Variants in ABCD3 observed in about 807,000 individuals in gnomAD.
ABCD3 encodes ATP binding cassette subfamily D member 3.
In ABCD3, 41 loss-of-function variants were observed where a neutral mutation model predicts 105.5. The observed-to-expected ratio is 0.39, with a 90% CI of 0.30 to 0.50. ABCD3 has a LOEUF of 0.50. Ranked by LOEUF, ABCD3 falls within the 20% of genes least tolerant of loss-of-function variation. ABCD3 has a pLI of 0.84. For missense variants in ABCD3, 622 were observed against 806.3 expected (o/e 0.77, Z 2.77); for synonymous variants, 258 against 269.0 (o/e 0.96, Z 0.40).
chr1:94,441,866 G>A (rs1451122453), intron 1 of ABCD3, among the ~76,000 whole-genome samples: 1 of 152,130 alleles, frequency 6.6e-6, no homozygotes, highest in Non-Finnish European at 1.5e-5. Context: ...GAGTAAGAAC[G>A]GGGTCAAAAG....
chr1:94,398,301 G>A, the ABCD3 span, among the ~76,000 whole-genome samples: 4 of 152,196 alleles, frequency 2.6e-5, no homozygotes, highest in South Asian at 6.2e-4. Context: ...TTCATTTTCT[G>A]ACAGTGGGAA....
At chr1:94,509,398 A>T (rs1298881066) in intron 21 of ABCD3, among the ~76,000 whole-genome samples, 1 of 152,146 alleles carries the variant, frequency 6.6e-6, no homozygotes, top group African/African-American at 2.4e-5. Context: ...CGAGTATTTT[A>T]TTGAGGATTT....
At chr1:94,408,000 G>C in the ABCD3 span, among the ~76,000 whole-genome samples, 11 of 152,246 alleles carry the variant, frequency 7.2e-5, no homozygotes, top group African/African-American at 2.7e-4. Flanking sequence ...CCGAATAGTG[G>C]TGGCTGAGGT....
intron 3 of ABCD3, 72 bp downstream of exon 3, chr1:94,464,945 T>C (rs1648067869): frequency 7.8e-7 from 1 of 1,275,926 alleles, no homozygotes; most frequent in African/African-American, 1.5e-5. Context: ...GCTGGGTAAT[T>C]TATAAAGAAA....
chr1:94,488,331 T>C (rs759081586), intron 13 of ABCD3, among the ~76,000 whole-genome samples: 3 of 152,122 alleles, frequency 2.0e-5, no homozygotes, highest in Non-Finnish European at 4.4e-5. Context: ...CATACCTTTT[T>C]TTCTTGGATC....
rs565941265 is a variant in ABCD3, at chr1:94,497,064, G to A, written c.1387-1538G>A. Among the ~76,000 whole-genome samples, 9 of 152,102 alleles carry A rather than the reference G, an allele frequency of 5.9e-5. 1 individual carries two copies. In the South Asian group the frequency reaches 1.9e-3, roughly 32 times the overall value. On this transcript the variant is annotated intron_variant, in intron 16 of 22. Coordinates refer to ENST00000370214, the MANE Select transcript of ABCD3 (RefSeq NM_002858.4). ...ATCCTAATTCACCCCTTCTTTCAAA[G>A]TTTTACTTAGTTGTCATATTCAATA...
intron 1 of ABCD3, chr1:94,455,642 C>A: frequency 2.5e-6 from 1 of 401,114 alleles, no homozygotes; most frequent in Non-Finnish European, 4.9e-6. Context: ...TTAATTGTCA[C>A]AGACTGATTA....
intron 1 of ABCD3, among the ~76,000 whole-genome samples, chr1:94,454,698 C>T (rs1161387725): frequency 6.6e-6 from 1 of 152,206 alleles, no homozygotes; most frequent in Non-Finnish European, 1.5e-5. Context: ...GTCACCCAAG[C>T]TGGAGTGCAG....
the ABCD3 span, among the ~76,000 whole-genome samples, chr1:94,392,657 C>T: frequency 6.6e-6 from 1 of 152,236 alleles, no homozygotes; most frequent in Admixed American, 6.5e-5. Flanking sequence ...CCCAATGATG[C>T]GGGTTCAATG....
chr1:94,453,134 A>G lies in ABCD3; in HGVS notation c.111-5473A>G, dbSNP rs577967532. ...TGGAAGCTTCTTTTACCTGTGTCCT[A>G]AAACAGTTAAAGCATTGGAATTATC... On this transcript the variant is annotated intron_variant, in intron 1 of 22. Coordinates refer to ENST00000370214, the MANE Select transcript of ABCD3 (RefSeq NM_002858.4). Among the ~76,000 whole-genome samples the G allele has an allele frequency of 3.3e-5, 5 of 152,162 alleles. No individual in the cohort carries two copies. In the South Asian group the frequency reaches 1.0e-3, roughly 32 times the overall value.
the ABCD3 span, among the ~76,000 whole-genome samples, chr1:94,412,464 T>C: frequency 6.6e-6 from 1 of 152,228 alleles, no homozygotes; most frequent in Non-Finnish European, 1.5e-5. Context: ...TATCAGTTCA[T>C]ATAAAATTGC....
chr1:94,458,520 T>G, intron 1 of ABCD3, 87 bp from the exon 2 acceptor site: 3 of 1,145,346 alleles, frequency 2.6e-6, no homozygotes, highest in Non-Finnish European at 1.3e-6. Flanking sequence ...TTTTAAATAA[T>G]TTGGTATATT....
rs745383427 is a variant in ABCD3 at position 94,498,990 on chromosome 1, C to G, written c.1576C>G (p.Pro526Ala). 6.2e-7 allele frequency: 1 copy of G among 1,613,870 alleles called. No homozygotes were observed. The highest frequency in any genetic ancestry group is 8.5e-7 in the Non-Finnish European group (1 of 1,179,938). ...LGTLRDQVIY[P>A]DGREDQKRKG... The stretch of plus-strand genomic sequence containing the variant: ...AACACTTCGAGATCAAGTGATATAT[C>G]CAGATGGACGAGAAGATCAGAAAAG... The change falls in exon 19 of 23, where the codon CCA (proline) becomes GCA (alanine). Residue 526 changes from proline to alanine, a missense_variant. Coordinates refer to ENST00000370214, the MANE Select transcript of ABCD3 (RefSeq NM_002858.4).
chr1:94,484,775 T>TA (rs1649204515), intron 10 of ABCD3, among the ~76,000 whole-genome samples: 1 of 152,084 alleles, frequency 6.6e-6, no homozygotes, highest in South Asian at 2.1e-4. Flanking sequence ...CCCTAGAACT[T>TA]AAAGTATAAT....
Position 94,460,638 on chromosome 1 carries a change from C to T in ABCD3, c.147+1995C>T, listed in dbSNP as rs1647824777. The stretch of plus-strand genomic sequence containing the variant: ...AGAAAATTAGAACAATTTAACATGA[C>T]GTACTTTCAGTAAACTGATGCTGGC... On this transcript the variant is annotated intron_variant, in intron 2 of 22. Coordinates refer to ENST00000370214, the MANE Select transcript of ABCD3 (RefSeq NM_002858.4). Among the ~76,000 whole-genome samples the T allele has an allele frequency of 2.6e-5, 4 of 152,110 alleles. No individual in the cohort carries two copies. In the South Asian group the frequency reaches 6.2e-4, roughly 24 times the overall value.
chr1:94,503,001 A>G lies in ABCD3; in HGVS notation c.1740+3387A>G, dbSNP rs113938931. 9.2e-3 allele frequency among the ~76,000 whole-genome samples: 1,405 copies of G among 152,256 alleles called. 27 individuals are homozygous for G. Among genetic ancestry groups the G allele is most frequent in the African/African-American group, 0.033 (1,359 of 41,542 alleles). On this transcript the variant is annotated intron_variant, in intron 20 of 22. Coordinates refer to ENST00000370214, the MANE Select transcript of ABCD3 (RefSeq NM_002858.4). ...GCAGCCCAGGACAGCTTTGAATGCA[A>G]CCTAACACAAATTCATAAACTTTCT...
intron 1 of ABCD3, among the ~76,000 whole-genome samples, chr1:94,434,820 A>G (rs981370983): frequency 2.0e-5 from 3 of 152,234 alleles, no homozygotes; most frequent in Non-Finnish European, 4.4e-5. Context: ...CAGCCACTGC[A>G]GAAGCCTTCC....
chr1:94,428,174 C>G (rs1052916982), intron 1 of ABCD3, among the ~76,000 whole-genome samples: 1 of 150,684 alleles, frequency 6.6e-6, no homozygotes, highest in Non-Finnish European at 1.5e-5. Context: ...TTAGCAGGCC[C>G]GAGTGAATGC....
At chr1:94,510,911 A>C (rs1650637388) in intron 21 of ABCD3, among the ~76,000 whole-genome samples, 1 of 152,060 alleles carries the variant, frequency 6.6e-6, no homozygotes. Context: ...GGTTTCCTGA[A>C]TACAGCACAC....
Sources: allele counts gnomAD v4.1 joint callset (sites outside exome capture counted in the v4.1 genomes callset), GRCh38; gene constraint gnomAD v4.1.1; transcripts MANE v1.5; gene names NCBI Gene and HGNC (gene_info 2026-07-23, HGNC 2026-07-21).